The following TNS4 variants were observed in gnomAD, a reference collection of about 807,000 sequenced individuals.
The protein encoded by TNS4 is tensin-4.
In TNS4, 46 loss-of-function variants were observed where a neutral mutation model predicts 70.4. The ratio of observed to expected loss-of-function variants is 0.65; its 90% CI spans 0.52 to 0.84. TNS4 has a LOEUF of 0.84. Ranked by LOEUF, TNS4 falls within the 40% of genes least tolerant of loss-of-function variation. TNS4 has a pLI of 0.00. For synonymous variants in TNS4, 390 were observed against 366.6 expected, an observed-to-expected ratio of 1.06 and a Z score of -0.73; for missense variants, 863 against 907.0, an observed-to-expected ratio of 0.95 and a Z score of 0.62.
intron 1 of TNS4, among the ~76,000 whole-genome samples, chr17:40,499,160 T>C (rs2036180165): frequency 6.6e-6 from 1 of 152,224 alleles, no homozygotes; most frequent in Non-Finnish European, 1.5e-5. Flanking sequence ...ATCGGTTATG[T>C]TATCTATAGA....
chr17:40,482,117 GCC>G lies in TNS4; in HGVS notation c.1672+10_1672+11del. 6.2e-7 allele frequency: 1 copy of G among 1,613,744 alleles called. No homozygotes were observed. Among genetic ancestry groups the G allele is most frequent in the Non-Finnish European group, 8.5e-7 (1 of 1,179,836 alleles). ...CCCACCTTGGCATTGCCTCTTTGGG[GCC>G]CAGACCCACCTCTCTGTGGGATGGT... On this transcript the variant is annotated intron_variant, in intron 8 of 12. Transcript: ENST00000254051.
chr17:40,485,503 C>G (rs569750481), intron 4 of TNS4, among the ~76,000 whole-genome samples: 2 of 152,314 alleles, frequency 1.3e-5, no homozygotes, highest in Non-Finnish European at 2.9e-5. Flanking sequence ...CCCTGGGAGG[C>G]GGGAGCCTGG....
rs552363525 is a variant in TNS4 at position 40,487,032 on chromosome 17, G to A, written c.1288+4C>T. The A allele has an allele frequency of 2.9e-5, 46 of 1,612,354 alleles. No homozygotes were observed. Among genetic ancestry groups the A allele is most frequent in the Middle Eastern group, 3.3e-4 (2 of 6,082 alleles). On this transcript the variant is annotated splice_donor_region_variant and intron_variant, in intron 4 of 12. Coordinates refer to ENST00000254051, the MANE Select transcript of TNS4 (RefSeq NM_032865.6). The stretch of plus-strand genomic sequence containing the variant: ...ATTGCTTCAAATATTGGTTTACGAC[G>A]TACCCTCTGGGCATGTGGTAAAGGG...
intron 10 of TNS4, among the ~76,000 whole-genome samples, chr17:40,479,159 C>A (rs1210514763): frequency 6.6e-6 from 1 of 152,004 alleles, no homozygotes; most frequent in Non-Finnish European, 1.5e-5. Context: ...TCCTTCCTTC[C>A]TTTTTTGAGA....
chr17:40,496,641 C>A (rs545722583), intron 1 of TNS4, 121 bp from the exon 2 acceptor site: 6 of 559,752 alleles, frequency 1.1e-5, no homozygotes, highest in Non-Finnish European at 1.5e-5. Flanking sequence ...AGCCAGACCA[C>A]CTGAGTTTGC....
At chr17:40,480,481 CCCACCCT>C (rs1442269302) in intron 9 of TNS4, among the ~76,000 whole-genome samples, 1 of 152,156 alleles carries the variant, frequency 6.6e-6, no homozygotes, top group African/African-American at 2.4e-5. Context: ...CCCCCCACCC[CCCACCCT>C]GCCCCACTTC....
chr17:40,478,266 C>G (rs1248365997), intron 12 of TNS4, 41 bp downstream of exon 12: 1 of 1,613,456 alleles, frequency 6.2e-7, no homozygotes, highest in Non-Finnish European at 8.5e-7. Flanking sequence ...GCAGTTCCCT[C>G]CCCATGTTGG....
At position 40,496,242 on chromosome 17, in the gene TNS4, G is replaced by GCC; in HGVS notation, c.182_183dup (p.Pro62GlyfsTer48). The GCC allele has an allele frequency of 1.3e-6, 2 of 1,594,348 alleles. No individual in the cohort carries two copies. The highest frequency in any genetic ancestry group is 1.7e-6 in the Non-Finnish European group (2 of 1,170,914). On this transcript the variant is annotated frameshift_variant, in exon 2 of 13. Transcript: ENST00000254051. LOFTEE classifies it high-confidence loss of function. ...GGGGCTTGCTGGAGTCGGCCAGGGG[G>GCC]CCCCATGCAGGGCACGGGGGCCATC...
At position 40,488,595 on chromosome 17, in the gene TNS4, A is replaced by C; in HGVS notation, c.814T>G (p.Ser272Ala). Residue 272 changes from serine (S) to alanine (A), a missense_variant, in exon 3 of 13, where the codon TCT (serine) becomes GCT (alanine). By Grantham distance (99) the Ser-to-Ala change is moderately conservative. Coordinates refer to ENST00000254051, the MANE Select transcript of TNS4 (RefSeq NM_032865.6). Reference protein sequence around the residue: ...GLAPQRGSRISVLSASPVSDV... With the variant: ...GLAPQRGSRIAVLSASPVSDV... Reference sequence around the variant, plus strand: ...GACACTGGGCTGGCTGACAGCACAGAGATCCTGCTGCCCCGCTGTGGGGCC... The same window carrying C: ...GACACTGGGCTGGCTGACAGCACAGCGATCCTGCTGCCCCGCTGTGGGGCC... 6.6e-7 allele frequency: 1 copy of C among 1,514,102 alleles called. No individual in the cohort carries two copies. The highest frequency in any genetic ancestry group is 8.8e-7 in the Non-Finnish European group (1 of 1,131,318). 93.8% of individuals were successfully genotyped at this position (1,514,102 alleles called of 1,614,324 possible).
intron 6 of TNS4, among the ~76,000 whole-genome samples, chr17:40,484,202 G>T (rs901999900): frequency 2.6e-5 from 4 of 152,216 alleles, no homozygotes; most frequent in Non-Finnish European, 5.9e-5. Context: ...CCTAGAGGGG[G>T]CTAGGACCCT....
chr17:40,490,346 C>T (rs1429575999), intron 2 of TNS4, among the ~76,000 whole-genome samples: 1 of 152,268 alleles, frequency 6.6e-6, no homozygotes, highest in African/African-American at 2.4e-5. Flanking sequence ...CACCCTTCCT[C>T]CTGACCTGGG....
At chr17:40,480,995 GC>G (rs987901354) in intron 8 of TNS4, 5 of 515,192 alleles carry the variant, frequency 9.7e-6, no homozygotes, top group East Asian at 7.6e-5. Flanking sequence ...TCCCCTCCTC[GC>G]CCCCCCACCT....
At chr17:40,488,506 CTGTG>C (rs146557394) in intron 3 of TNS4, 36 bp downstream of exon 3, 5 of 1,429,608 alleles carry the variant, frequency 3.5e-6, no homozygotes, top group Non-Finnish European at 3.7e-6. Flanking sequence ...GTGCGTGTGC[CTGTG>C]TGTGTGTGTG....
At chr17:40,478,923 T>G (rs2035885826) in intron 10 of TNS4, among the ~76,000 whole-genome samples, 1 of 152,134 alleles carries the variant, frequency 6.6e-6, no homozygotes, top group Admixed American at 6.6e-5. Flanking sequence ...GCCACTAACT[T>G]TTTGAGGACA....
At chr17:40,499,840 G>T (rs1176323410) in intron 1 of TNS4, among the ~76,000 whole-genome samples, 1 of 152,250 alleles carries the variant, frequency 6.6e-6, no homozygotes, top group Non-Finnish European at 1.5e-5. Flanking sequence ...CTGCAGAGGA[G>T]GCTGGGGCTG....
Position 40,487,423 on chromosome 17 carries a change from G to A in TNS4, c.901C>T (p.Gln301Ter). The A allele has an allele frequency of 3.7e-6, 6 of 1,612,714 alleles. No individual in the cohort carries two copies. Among genetic ancestry groups the A allele is most frequent in the Non-Finnish European group, 5.1e-6 (6 of 1,178,910 alleles). ...CTTTCCAAGGATCTGGAAGATGACTGATGGCTGGAGTTGCTGGAGTGCAGG... is the reference window on the plus strand; with the variant it reads ...CTTTCCAAGGATCTGGAAGATGACTAATGGCTGGAGTTGCTGGAGTGCAGG... ...SLLHSSNSSHQSSSRSLESPA... is the reference protein window; with the variant it reads ...SLLHSSNSSH The change falls in exon 4 of 13, where the codon CAG (glutamine) becomes TAG (stop). Residue 301 changes from glutamine (Q) to a stop codon, truncating the protein, a stop_gained. Coordinates refer to ENST00000254051, the MANE Select transcript of TNS4 (RefSeq NM_032865.6). LOFTEE classifies it high-confidence loss of function.
In TNS4 at chr17:40,489,796, C is replaced by CAAAAAAAAAA. The variant is rs11463268; in HGVS notation, c.440-837_440-828dup. On this transcript the variant is annotated intron_variant, in intron 2 of 12. Coordinates refer to ENST00000254051, the MANE Select transcript of TNS4 (RefSeq NM_032865.6). ...AGTGACAAGAGTGAAGCCCCATCTCCAAAAAAAAAAAAAAAAAGGAAGTGG... is the reference window on the plus strand; with the variant it reads ...AGTGACAAGAGTGAAGCCCCATCTCCAAAAAAAAAAAAAAAAAAAAAAAAAAAGGAAGTGG... Among the ~76,000 whole-genome samples, 122 of 105,548 alleles carry CAAAAAAAAAA rather than the reference C, an allele frequency of 1.2e-3. 1 individual carries two copies. The highest frequency in any genetic ancestry group is 6.0e-3 in the South Asian group (17 of 2,852). 69.2% of individuals were successfully genotyped at this position (105,548 alleles called of 152,430 possible).
chr17:40,485,997 C>T (rs898163886), intron 4 of TNS4, among the ~76,000 whole-genome samples: 3 of 152,222 alleles, frequency 2.0e-5, no homozygotes, highest in Non-Finnish European at 4.4e-5. Flanking sequence ...ACCCCCACCC[C>T]CTCTGGAGTC....
At chr17:40,478,187 G>T in intron 12 of TNS4, 120 bp downstream of exon 12, 1 of 1,330,362 alleles carries the variant, frequency 7.5e-7, no homozygotes, top group Non-Finnish European at 1.1e-6. Context: ...GGAGCTCCCT[G>T]AGGACCAGGG....
Sources: gnomAD v4.1 joint callset for allele counts (sites outside exome capture counted in the v4.1 genomes callset) on GRCh38, gnomAD v4.1.1 for gene constraint, MANE v1.5 for transcripts, NCBI Gene and HGNC (gene_info 2026-07-23, HGNC 2026-07-21) for gene names.